The following TNRC6B variants were observed in gnomAD, a reference collection of about 807,000 sequenced individuals.
The protein encoded by TNRC6B is trinucleotide repeat containing adaptor 6B, also known as trinucleotide repeat-containing gene 6B protein.
TNRC6B carries 52 observed loss-of-function variants against 203.6 expected under a neutral mutation model. The ratio of observed to expected loss-of-function variants is 0.26; its 90% CI spans 0.20 to 0.32. The LOEUF (loss-of-function observed/expected upper bound fraction) is 0.32. TNRC6B is among the 10% of genes least tolerant of loss of function. The pLI, the probability that TNRC6B is intolerant of heterozygous loss-of-function variation, is 1.00. For synonymous variants in TNRC6B, 838 were observed against 845.7 expected, an observed-to-expected ratio of 0.99 and a Z score of 0.16; for missense variants, 1,923 against 2,286.2, an observed-to-expected ratio of 0.84 and a Z score of 3.24.
chr22:40,128,885 G>T (rs1462274596), intron 3 of TNRC6B, among the ~76,000 whole-genome samples: 1 of 152,016 alleles, frequency 6.6e-6, no homozygotes, highest in Non-Finnish European at 1.5e-5. Flanking sequence ...AAAATACATG[G>T]TTCCTACTCT....
Position 40,322,799 on chromosome 22 carries a change from G to A in TNRC6B, c.5115-55G>A, listed in dbSNP as rs41281261. ...GTCAAGGACTGCAGTCGCTCCCTCC[G>A]TATGCTTTAGGATTTTCCTGAGATC... is the stretch of plus-strand genomic sequence containing the variant. On this transcript the variant is annotated intron_variant, in intron 22 of 22. Coordinates refer to ENST00000454349, the MANE Select transcript of TNRC6B (RefSeq NM_001162501.2). 3.3e-3 allele frequency: 5,365 copies of A among 1,605,098 alleles called. 13 individuals carry two copies. Among genetic ancestry groups the A allele is most frequent in the Non-Finnish European group, 4.2e-3 (4,887 of 1,175,822 alleles).
At chr22:40,183,010 G>A (rs2069154480) in intron 1 of TNRC6B, among the ~76,000 whole-genome samples, 1 of 151,958 alleles carries the variant, frequency 6.6e-6, no homozygotes. Context: ...AATACTATCC[G>A]GTTTCCTGAA....
intron 12 of TNRC6B, among the ~76,000 whole-genome samples, chr22:40,287,128 G>A (rs537311575): frequency 2.0e-5 from 3 of 152,180 alleles, no homozygotes; most frequent in Admixed American, 1.3e-4. Flanking sequence ...TCCCTCCTCA[G>A]CCTCCAAGTA....
intron 1 of TNRC6B, among the ~76,000 whole-genome samples, chr22:40,105,911 G>A (rs903101934): frequency 1.3e-5 from 2 of 152,156 alleles, no homozygotes; most frequent in African/African-American, 4.8e-5. Context: ...GAAGATTTCT[G>A]TTGTTCCATA....
In TNRC6B at chr22:40,333,802, A is replaced by C. The variant is rs758285486; in HGVS notation, c.*10561A>C. 2 of 152,642 alleles carry C rather than the reference A, an allele frequency of 1.3e-5. No homozygotes were observed. The highest frequency in any genetic ancestry group is 2.9e-5 in the Non-Finnish European group (2 of 68,044). The allele number at this position is 152,642 out of a possible 1,614,324, so 9.5% of individuals were successfully genotyped here. ...GAAATGCTTTTAACAAATGCTGCTC[A>C]TGTGGATCTGTCAGCTATTGCTTGC... On this transcript the variant is annotated 3_prime_UTR_variant, in exon 23 of 23. Coordinates refer to ENST00000454349, the MANE Select transcript of TNRC6B (RefSeq NM_001162501.2).
chr22:40,245,325 A>G (rs1017887885), intron 1 of TNRC6B, among the ~76,000 whole-genome samples: 3 of 152,036 alleles, frequency 2.0e-5, no homozygotes, highest in Non-Finnish European at 4.4e-5. Context: ...TCCTGACCTC[A>G]AGTGATCTGT....
chr22:40,261,180 A>G (rs2070376762), intron 3 of TNRC6B, among the ~76,000 whole-genome samples: 1 of 152,214 alleles, frequency 6.6e-6, no homozygotes, highest in South Asian at 2.1e-4. Flanking sequence ...CAGCTACTCA[A>G]GAGGCTGAGG....
intron 1 of TNRC6B, among the ~76,000 whole-genome samples, chr22:40,063,590 C>T (rs992258376): frequency 4.6e-5 from 7 of 152,124 alleles, no homozygotes; most frequent in South Asian, 4.2e-4. Context: ...TTTATTTCGA[C>T]GTTTTATGGT....
At chr22:40,304,884 C>T (rs2071070639) in intron 15 of TNRC6B, among the ~76,000 whole-genome samples, 1 of 152,060 alleles carries the variant, frequency 6.6e-6, no homozygotes, top group Non-Finnish European at 1.5e-5. Context: ...TGTGTCGATA[C>T]CAAGTGTACA....
At chr22:40,206,128 A>ATATATTT (rs1242110440) in intron 1 of TNRC6B, among the ~76,000 whole-genome samples, 1 of 152,158 alleles carries the variant, frequency 6.6e-6, no homozygotes, top group Non-Finnish European at 1.5e-5. Context: ...GAGCCCAGAA[A>ATATATTT]TATATTTTTT....
rs2070540874 is a variant in TNRC6B at position 40,270,227 on chromosome 22, C to T, written c.2912C>T (p.Ser971Leu). The change falls in exon 6 of 23, where the codon TCG (serine) becomes TTG (leucine). Residue 971 changes from serine to leucine, a missense_variant. By Grantham distance (145) the Ser-to-Leu change is moderately radical. Transcript: ENST00000454349. ...GGCGAGATGGATGATACAGGAGCAT[C>T]GACCACAGGCTGGGGGAACACGCCC... Reference protein sequence around the residue: ...GWGEMDDTGASTTGWGNTPAN... With the variant: ...GWGEMDDTGALTTGWGNTPAN... The T allele has an allele frequency of 1.3e-6, 2 of 1,523,506 alleles. No homozygotes were observed. The highest frequency in any genetic ancestry group is 1.8e-6 in the Non-Finnish European group (2 of 1,130,718). 94.4% of individuals were successfully genotyped at this position (1,523,506 alleles called of 1,614,324 possible). A position where few individuals can be genotyped will look rare whatever the true frequency, so the allele number is the denominator to read the frequency against.
Position 40,057,459 on chromosome 22 carries a change from A to G in TNRC6B, c.-121+12461A>G, listed in dbSNP as rs544522373. Among the ~76,000 whole-genome samples, 345 of 151,660 alleles carry G rather than the reference A, an allele frequency of 2.3e-3. 1 individual carries two copies. Among genetic ancestry groups the G allele is most frequent in the Non-Finnish European group, 3.6e-3 (243 of 67,864 alleles). On this transcript the variant is annotated intron_variant, in intron 1 of 23. Transcript: ENST00000301923. Reference sequence around the variant, plus strand: ...CAGGCGTGTGCCACCACGCCCGGCTAATTTTGTATTTTTAGTAGAGACAGG... The same window carrying G: ...CAGGCGTGTGCCACCACGCCCGGCTGATTTTGTATTTTTAGTAGAGACAGG...
intron 21 of TNRC6B, among the ~76,000 whole-genome samples, chr22:40,318,388 A>G (rs1278208818): frequency 6.6e-6 from 1 of 152,080 alleles, no homozygotes; most frequent in Non-Finnish European, 1.5e-5. Flanking sequence ...TTTACTAAAA[A>G]TACAAAAAAT....
At chr22:40,196,834 C>T (rs909184642) in intron 1 of TNRC6B, among the ~76,000 whole-genome samples, 4 of 151,986 alleles carry the variant, frequency 2.6e-5, no homozygotes, top group Non-Finnish European at 4.4e-5. Flanking sequence ...AGGCTCTGGT[C>T]GGGGGGAAGG....
At chr22:40,132,965 A>ATATATATATATAT in intron 3 of TNRC6B, among the ~76,000 whole-genome samples, 1 of 67,128 alleles carries the variant, frequency 1.5e-5, no homozygotes, top group African/African-American at 5.2e-5. Flanking sequence ...AAAAAAAAAA[A>ATATATATATATAT]AAAAATATAT....
chr22:40,049,545 A>T (rs752917636), intron 1 of TNRC6B, among the ~76,000 whole-genome samples: 1 of 152,142 alleles, frequency 6.6e-6, no homozygotes, highest in African/African-American at 2.4e-5. Context: ...TAGCCTGCAT[A>T]TCCATGCCTC....
rs2071350716 is a variant in TNRC6B at position 40,322,715 on chromosome 22, G to T, written c.5115-139G>T. On this transcript the variant is annotated intron_variant, in intron 22 of 22. Transcript: ENST00000454349. ...AGGTCTTGGGTGGAGCTTGGACTTT[G>T]CATTCTAAAAAGCGTTCATGGATAT... 4 of 984,536 alleles carry T rather than the reference G, an allele frequency of 4.1e-6. No homozygotes were observed. The South Asian group carries it at 5.0e-5, about 12-fold the overall frequency. 61.0% of individuals were successfully genotyped at this position (984,536 alleles called of 1,614,324 possible).
intron 3 of TNRC6B, among the ~76,000 whole-genome samples, chr22:40,155,667 T>G (rs186969216): frequency 6.6e-6 from 1 of 152,348 alleles, no homozygotes; most frequent in African/African-American, 2.4e-5. Flanking sequence ...CTGCATACCC[T>G]TGTCAACACT....
intron 3 of TNRC6B, among the ~76,000 whole-genome samples, chr22:40,137,982 CAAAA>C (rs10578847): frequency 4.6e-4 from 51 of 109,926 alleles, no homozygotes; most frequent in East Asian, 3.9e-3. Context: ...GACTGTATCT[CAAAA>C]AAAAAAAAAA....
Sources: allele counts gnomAD v4.1 joint callset (sites outside exome capture counted in the v4.1 genomes callset), GRCh38; gene constraint gnomAD v4.1.1; transcripts MANE v1.5; gene names NCBI Gene and HGNC (gene_info 2026-07-23, HGNC 2026-07-21).